RORA: variants seen among roughly 807,000 people sequenced by gnomAD.
RORA encodes the protein RAR related orphan receptor A, also known as nuclear receptor ROR-alpha.
In RORA, 7 loss-of-function variants were observed where a neutral mutation model predicts 69.5. The observed-to-expected ratio is 0.10, with a 90% CI of 0.06 to 0.19. The LOEUF is 0.19. RORA is among the 10% of genes least tolerant of loss of function. The probability of loss-of-function intolerance (pLI) is 1.00; values close to 1 mark genes in which losing one functional copy is unlikely to be tolerated. For missense variants in RORA, 457 were observed against 663.0 expected (o/e 0.69, Z 3.41); for synonymous variants, 261 against 240.8 (o/e 1.08, Z -0.78).
chr15:60,638,525 A>T (rs761922776), intron 2 of RORA, among the ~76,000 whole-genome samples: 2 of 151,724 alleles, frequency 1.3e-5, no homozygotes, highest in Non-Finnish European at 2.9e-5. Flanking sequence ...CTATTTCTTC[A>T]CCTCTTACCT....
At chr15:60,687,051 C>T (rs1294949167) in intron 1 of RORA, among the ~76,000 whole-genome samples, 5 of 152,176 alleles carry the variant, frequency 3.3e-5, no homozygotes, top group African/African-American at 1.2e-4. Context: ...CCAAGGGTAT[C>T]ACTATGTAAT....
At chr15:61,146,497 C>G (rs917893030) in intron 1 of RORA, among the ~76,000 whole-genome samples, 4 of 151,916 alleles carry the variant, frequency 2.6e-5, no homozygotes, top group African/African-American at 9.7e-5. Flanking sequence ...CACACAGCAA[C>G]TTTCATCTAT....
intron 2 of RORA, among the ~76,000 whole-genome samples, chr15:60,590,232 T>C (rs1427701523): frequency 6.7e-6 from 1 of 149,568 alleles, no homozygotes; most frequent in Non-Finnish European, 1.5e-5. Flanking sequence ...AAAAATTGCA[T>C]TGCCAGTACT....
chr15:60,887,625 C>T (rs541595758), intron 1 of RORA, among the ~76,000 whole-genome samples: 143 of 152,252 alleles, frequency 9.4e-4, no homozygotes, highest in African/African-American at 2.7e-3. Context: ...TGTGGTTATA[C>T]GTTTGTGGTT....
chr15:60,587,422 C>T (rs555546962), intron 2 of RORA, among the ~76,000 whole-genome samples: 338 of 152,196 alleles, frequency 2.2e-3, no homozygotes, highest in Non-Finnish European at 3.0e-3. Context: ...ATATCCAGGA[C>T]GTTTTTCACA....
intron 1 of RORA, among the ~76,000 whole-genome samples, chr15:60,909,903 T>C (rs1891655333): frequency 6.6e-6 from 1 of 152,240 alleles, no homozygotes; most frequent in Non-Finnish European, 1.5e-5. Context: ...CATTTTTGCC[T>C]CTTAAAAGCA....
intron 1 of RORA, among the ~76,000 whole-genome samples, chr15:61,138,053 GAAGAATAAATACAA>G (rs1455940147): frequency 6.6e-6 from 1 of 152,142 alleles, no homozygotes; most frequent in African/African-American, 2.4e-5. Context: ...AGTCATTTGG[GAAGAATAAATACAA>G]AATCACCTCT....
At chr15:60,917,718 A>G (rs998293326) in intron 1 of RORA, among the ~76,000 whole-genome samples, 4 of 152,218 alleles carry the variant, frequency 2.6e-5, no homozygotes, top group African/African-American at 9.6e-5. Context: ...GCAAGGGCTG[A>G]GAATATAATC....
intron 3 of RORA, among the ~76,000 whole-genome samples, chr15:60,515,381 C>T (rs144269026): frequency 2.0e-5 from 3 of 152,000 alleles, no homozygotes; most frequent in East Asian, 2.0e-4. Flanking sequence ...ACCACATGTT[C>T]AGAACCATGG....
chr15:60,994,735 T>C (rs764439349), intron 1 of RORA, among the ~76,000 whole-genome samples: 5 of 152,180 alleles, frequency 3.3e-5, no homozygotes, highest in Non-Finnish European at 7.3e-5. Flanking sequence ...GTAGGTGAGA[T>C]TGAAACCAGA....
At chr15:60,866,851 T>TCTATCTAC (rs1236953620) in intron 1 of RORA, among the ~76,000 whole-genome samples, 18 of 145,686 alleles carry the variant, frequency 1.2e-4, no homozygotes, top group South Asian at 6.3e-4. Context: ...TATCTATCTA[T>TCTATCTAC]CTACCTACCT....
chr15:61,030,969 T>C (rs1896137004), intron 1 of RORA, among the ~76,000 whole-genome samples: 1 of 152,242 alleles, frequency 6.6e-6, no homozygotes, highest in African/African-American at 2.4e-5. Flanking sequence ...CATACACATG[T>C]ATATTTCATT....
At chr15:61,075,040 T>C (rs1053050100) in intron 1 of RORA, among the ~76,000 whole-genome samples, 2 of 150,638 alleles carry the variant, frequency 1.3e-5, no homozygotes, top group Non-Finnish European at 2.9e-5. Flanking sequence ...TGAGCAGGGA[T>C]CGTGGCACTG....
rs139231565 is a variant in RORA at position 60,714,348 on chromosome 15, C to A, written c.167-35662G>T. 4.0e-3 allele frequency among the ~76,000 whole-genome samples: 603 copies of A among 151,802 alleles called. 5 individuals are homozygous for A. Among genetic ancestry groups the A allele is most frequent in the Non-Finnish European group, 6.6e-3 (447 of 67,918 alleles). On this transcript the variant is annotated intron_variant, in intron 1 of 10. Transcript: ENST00000335670. ...TGCTGGGATTACAGGCGTGAGCCACCGCATCTGGCCAATTCTTTTTATTTA... is the reference window on the plus strand; with the variant it reads ...TGCTGGGATTACAGGCGTGAGCCACAGCATCTGGCCAATTCTTTTTATTTA...
At chr15:60,955,425 T>C (rs1192061624) in intron 1 of RORA, among the ~76,000 whole-genome samples, 1 of 152,234 alleles carries the variant, frequency 6.6e-6, no homozygotes, top group Non-Finnish European at 1.5e-5. Flanking sequence ...ACATATAGTA[T>C]ATTTCATTAT....
chr15:60,816,809 T>C (rs746813614), intron 1 of RORA, among the ~76,000 whole-genome samples: 118 of 152,156 alleles, frequency 7.8e-4, no homozygotes, highest in Non-Finnish European at 1.5e-3. Flanking sequence ...GGAAGCTCTG[T>C]TATTAGGTGC....
chr15:60,691,940 T>A lies in RORA; in HGVS notation c.167-13254A>T, dbSNP rs118004282. 5.5e-3 allele frequency among the ~76,000 whole-genome samples: 841 copies of A among 152,320 alleles called. 53 individuals are homozygous for A. The South Asian group carries it at 0.11, about 19-fold the overall frequency. Reference sequence around the variant, plus strand: ...GCAGAAAACTTTTTAGTTAACCATATGCTACATACAGCAAGAAGCCAGGCT... The same window carrying A: ...GCAGAAAACTTTTTAGTTAACCATAAGCTACATACAGCAAGAAGCCAGGCT... On this transcript the variant is annotated intron_variant, in intron 1 of 10. Transcript: ENST00000335670.
intron 1 of RORA, among the ~76,000 whole-genome samples, chr15:61,001,164 T>C (rs1435541419): frequency 1.3e-5 from 2 of 152,172 alleles, no homozygotes; most frequent in Non-Finnish European, 2.9e-5. Context: ...AGTTGCAGTC[T>C]CATCACTCTG....
intron 1 of RORA, among the ~76,000 whole-genome samples, chr15:60,828,452 C>T (rs17270501): frequency 0.033 from 5,021 of 152,204 alleles, 78 homozygotes; most frequent in Non-Finnish European, 0.039. Context: ...CTCTAGTGCA[C>T]GTAAAGTCTG....
Sources: allele counts gnomAD v4.1 joint callset (sites outside exome capture counted in the v4.1 genomes callset), GRCh38; gene constraint gnomAD v4.1.1; transcripts MANE v1.5; gene names NCBI Gene and HGNC (gene_info 2026-07-23, HGNC 2026-07-21).